The following RB1 variants were observed in gnomAD, a reference collection of about 807,000 sequenced individuals.
RB1 encodes the protein retinoblastoma-associated protein.
In RB1, 18 loss-of-function variants were observed where a neutral mutation model predicts 135.4. The observed-to-expected ratio is 0.13, with a 90% CI of 0.09 to 0.20. The LOEUF is 0.20. Ranked by LOEUF, RB1 falls within the 10% of genes least tolerant of loss-of-function variation. The probability of loss-of-function intolerance (pLI) is 1.00; values close to 1 mark genes in which losing one functional copy is unlikely to be tolerated. For missense variants in RB1, 868 were observed against 1,110.0 expected, an observed-to-expected ratio of 0.78 and a Z score of 3.10; for synonymous variants, 365 against 373.2, an observed-to-expected ratio of 0.98 and a Z score of 0.25.
At chr13:48,437,511 A>G (rs1949195965) in intron 17 of RB1, among the ~76,000 whole-genome samples, 1 of 152,164 alleles carries the variant, frequency 6.6e-6, no homozygotes, top group Non-Finnish European at 1.5e-5. Context: ...CTCATGAGAG[A>G]TTCTTAAATT....
intron 17 of RB1, among the ~76,000 whole-genome samples, chr13:48,404,440 C>G (rs1288850797): frequency 3.4e-5 from 1 of 29,090 alleles, no homozygotes; most frequent in Non-Finnish European, 2.2e-4. Flanking sequence ...TAAAAAAGAA[C>G]AGAAAAAAAA....
intron 10 of RB1, 73 bp from the exon 11 acceptor site, chr13:48,368,454 A>C (rs1952725790): frequency 3.1e-6 from 5 of 1,587,858 alleles, no homozygotes; most frequent in Admixed American, 1.7e-5. Context: ...GAAGCATTAT[A>C]CTGCTTTTTT....
chr13:48,321,914 T>C (rs1952245889), intron 2 of RB1, among the ~76,000 whole-genome samples: 1 of 152,142 alleles, frequency 6.6e-6, no homozygotes, highest in African/African-American at 2.4e-5. Context: ...AACAGGATTA[T>C]TTGTTTTCTT....
At chr13:48,379,791 C>G in intron 14 of RB1, 141 bp downstream of exon 14, 6 of 1,158,234 alleles carry the variant, frequency 5.2e-6, no homozygotes, top group Non-Finnish European at 7.3e-6. Flanking sequence ...GAAACCCTGT[C>G]TCTACTAAAA....
rs114584560 is a variant in RB1, at chr13:48,334,751, A to G, written c.265-7848A>G. On this transcript the variant is annotated intron_variant, in intron 2 of 26. Coordinates refer to ENST00000267163, the MANE Select transcript of RB1 (RefSeq NM_000321.3). The stretch of plus-strand genomic sequence containing the variant: ...GTGGAGCTCTTTTATAAGTAAGTGC[A>G]TTGTTTAAAAAAGCGAGTATAAGTT... Among the ~76,000 whole-genome samples, 1,263 of 152,278 alleles carry G rather than the reference A, an allele frequency of 8.3e-3. 15 individuals carry two copies. Among genetic ancestry groups the G allele is most frequent in the African/African-American group, 0.029 (1,204 of 41,552 alleles).
intron 6 of RB1, among the ~76,000 whole-genome samples, chr13:48,353,050 G>A (rs1325292770): frequency 1.3e-5 from 2 of 151,990 alleles, no homozygotes; most frequent in Non-Finnish European, 2.9e-5. Context: ...GTATCTTAAA[G>A]AAGTACAAAA....
At chr13:48,479,960 C>T (rs773225051) in intron 26 of RB1, 38 bp from the exon 27 acceptor site, 8 of 1,566,408 alleles carry the variant, frequency 5.1e-6, no homozygotes, top group African/African-American at 1.4e-5. Flanking sequence ...TTACCCAGTA[C>T]CATCAATGCT....
At chr13:48,373,375 A>T (rs2138130711) in intron 11 of RB1, 30 bp from the exon 12 acceptor site, 1 of 1,345,606 alleles carries the variant, frequency 7.4e-7, no homozygotes, top group Non-Finnish European at 1.1e-6. Context: ...TTCATTGCTT[A>T]ACACATTTTC....
At chr13:48,304,931 A>G (rs1018285540) in intron 1 of RB1, among the ~76,000 whole-genome samples, 2 of 152,000 alleles carry the variant, frequency 1.3e-5, no homozygotes, top group African/African-American at 4.8e-5. Flanking sequence ...GCAAATGGAA[A>G]TTTTCGTTTT....
rs1952844072 is a variant in RB1 at position 48,377,911 on chromosome 13, A to T, written c.1332+877A>T. 3.3e-5 allele frequency among the ~76,000 whole-genome samples: 5 copies of T among 152,188 alleles called. No individual in the cohort carries two copies. The South Asian group carries it at 1.0e-3, about 32-fold the overall frequency. On this transcript the variant is annotated intron_variant, in intron 13 of 26. Coordinates refer to ENST00000267163, the MANE Select transcript of RB1 (RefSeq NM_000321.3). ...ACTGAATACTGTAGGTAATGGTAACATAATGTGTTACCATTTGTGTATCTA... is the reference window on the plus strand; with the variant it reads ...ACTGAATACTGTAGGTAATGGTAACTTAATGTGTTACCATTTGTGTATCTA...
At chr13:48,365,900 G>C (rs570339768) in intron 9 of RB1, among the ~76,000 whole-genome samples, 2 of 152,316 alleles carry the variant, frequency 1.3e-5, no homozygotes, top group African/African-American at 4.8e-5. Flanking sequence ...AGGGTTCTGT[G>C]ATATCTCAAA....
intron 2 of RB1, among the ~76,000 whole-genome samples, chr13:48,341,602 A>G (rs1375716578): frequency 1.3e-5 from 2 of 151,988 alleles, no homozygotes; most frequent in African/African-American, 4.8e-5. Flanking sequence ...CATTTTAGCT[A>G]TTCTAGTGGG....
rs747542367 is a variant in RB1 at position 48,347,828 on chromosome 13, A to T, written c.504A>T (p.Thr168=). 6.3e-7 allele frequency: 1 copy of T among 1,589,452 alleles called. No homozygotes were observed. Among genetic ancestry groups the T allele is most frequent in the South Asian group, 1.1e-5 (1 of 90,104 alleles). The change falls in exon 5 of 27, where the codon ACA becomes ACT. Residue 168 remains threonine (T), a synonymous_variant. Coordinates refer to ENST00000267163, the MANE Select transcript of RB1 (RefSeq NM_000321.3). The part of the protein sequence containing the change: ...LFALFSKLER[T]CELIYLTQPS... ...GTCATAATGTTTTTCTTTTCAGGAC[A>T]TGTGAACTTATATATTTGACACAAC... is the stretch of plus-strand genomic sequence containing the variant.
rs563991336 is a variant in RB1, at chr13:48,404,794, G to A, written c.1695+23351G>A. Among the ~76,000 whole-genome samples, 159 of 152,066 alleles carry A rather than the reference G, an allele frequency of 1.0e-3. 1 individual carries two copies. The South Asian group carries it at 0.033, about 31-fold the overall frequency. On this transcript the variant is annotated intron_variant, in intron 17 of 26. Transcript: ENST00000267163. ...CCTGCCTCGGCCTCCCAAAGTGCTG[G>A]AATTATAGGTGTGAGCCACCCCACC... is the stretch of plus-strand genomic sequence containing the variant.
rs1949528654 is a variant in RB1 at position 48,480,045 on chromosome 13, G to A, written c.2761G>A (p.Asp921Asn). Residue 921 changes from aspartate to asparagine, a missense_variant, in exon 27 of 27, where the codon GAT becomes AAT. Around this residue, in one of 3 missense-constraint regions of RB1, gnomAD observed 196 missense variants for 239.8 expected, o/e 0.82. Coordinates refer to ENST00000267163, the MANE Select transcript of RB1 (RefSeq NM_000321.3). ...MQKQKMNDSM[D>N]TSNKEEK is the part of the protein sequence containing the mutation. ...AAAGCAGAAAATGAATGATAGCATGGATACCTCAAACAAGGAAGAGAAATG... is the reference window on the plus strand; with the variant it reads ...AAAGCAGAAAATGAATGATAGCATGAATACCTCAAACAAGGAAGAGAAATG... 6.2e-7 allele frequency: 1 copy of A among 1,613,324 alleles called. No homozygotes were observed. The highest frequency in any genetic ancestry group is 8.5e-7 in the Non-Finnish European group (1 of 1,179,466).
At chr13:48,476,415 G>C (rs1292661039) in intron 24 of RB1, 2 of 379,846 alleles carry the variant, frequency 5.3e-6, no homozygotes, top group African/African-American at 4.1e-5. Context: ...CTGAAAATGA[G>C]GAACCAGGAC....
chr13:48,304,096 G>T, intron 1 of RB1, 47 bp downstream of exon 1: 1 of 1,369,972 alleles, frequency 7.3e-7, no homozygotes, highest in Non-Finnish European at 9.3e-7. Flanking sequence ...GGGCGCCCCG[G>T]GTGTGCGTAG....
At chr13:48,307,953 A>T (rs1039643747) in intron 2 of RB1, among the ~76,000 whole-genome samples, 3 of 151,666 alleles carry the variant, frequency 2.0e-5, no homozygotes, top group African/African-American at 7.3e-5. Context: ...ATTCACTATG[A>T]TACAAGGACT....
intron 17 of RB1, among the ~76,000 whole-genome samples, chr13:48,448,730 A>C (rs1001717893): frequency 6.6e-6 from 1 of 152,226 alleles, no homozygotes; most frequent in African/African-American, 2.4e-5. Flanking sequence ...AATTCAAATA[A>C]AATAATCAAG....
Sources: allele counts gnomAD v4.1 joint callset (sites outside exome capture counted in the v4.1 genomes callset), GRCh38; gene constraint gnomAD v4.1.1; regional missense constraint gnomAD v4.1.1; transcripts MANE v1.5; gene names NCBI Gene and HGNC (gene_info 2026-07-23, HGNC 2026-07-21).